UTP14A: variants seen among roughly 807,000 people sequenced by gnomAD.
UTP14A encodes the protein U3 small nucleolar RNA-associated protein 14 homolog A.
Under a neutral mutation model 57.2 loss-of-function variants are expected in UTP14A, and 5 were observed. The ratio of observed to expected loss-of-function variants is 0.09; its 90% CI spans 0.05 to 0.18. The LOEUF (loss-of-function observed/expected upper bound fraction) is 0.18, where lower values mean the gene tolerates loss of function less well. Among genes scored for constraint, UTP14A ranks in the 10% least tolerant of loss-of-function variants. The pLI is 1.00. For missense variants in UTP14A, 430 were observed against 562.1 expected (o/e 0.76, Z 2.38); for synonymous variants, 169 against 210.9 (o/e 0.80, Z 1.72).
rs983386040 is a variant in UTP14A, at chrX:129,919,175, G to A, written c.538G>A (p.Ala180Thr). 18 of 1,209,710 alleles carry A rather than the reference G, an allele frequency of 1.5e-5. No homozygotes were observed. Among genetic ancestry groups the A allele is most frequent in the Non-Finnish European group, 1.9e-5 (17 of 895,219 alleles). Reference protein sequence around the residue: ...PIEHVLSGWKARTPLEQEIFN... With the variant: ...PIEHVLSGWKTRTPLEQEIFN... Reference sequence around the variant, plus strand: ...CAGAATGTTTTGTTGCTTCTTTAAGGCAAGAACTCCCCTGGAGCAGGAAAT... The same window carrying A: ...CAGAATGTTTTGTTGCTTCTTTAAGACAAGAACTCCCCTGGAGCAGGAAAT... Residue 180 changes from alanine to threonine, a missense_variant and splice_region_variant, in exon 7 of 15, where the codon GCA (alanine) becomes ACA (threonine). Ala to Thr is a moderately conservative substitution (Grantham distance 58, BLOSUM62 0). This residue lies in a region of UTP14A where 145 missense variants were observed against 153.5 expected (regional missense o/e 0.94). Transcript: ENST00000394422.
At chrX:129,920,399 T>C in intron 8 of UTP14A, 58 bp from the exon 9 acceptor site, 1 of 1,209,066 alleles carries the variant, frequency 8.3e-7, no homozygotes, top group Admixed American at 2.2e-5. Flanking sequence ...TGGGCACTTG[T>C]GCCTATGACA....
At chrX:129,923,198 A>C (rs1446428358) in intron 11 of UTP14A, 1 of 112,561 alleles carries the variant, frequency 8.9e-6, no homozygotes, top group Non-Finnish European at 1.9e-5. Flanking sequence ...CTTCATGCCA[A>C]AGCTAGACAG....
At chrX:129,924,750 G>T in intron 11 of UTP14A, 45 bp from the exon 12 acceptor site, 1 of 1,178,213 alleles carries the variant, frequency 8.5e-7, no homozygotes, top group Non-Finnish European at 1.1e-6. Context: ...ACCAGACAAC[G>T]TACAAACCTC....
At chrX:129,924,676 T>C in intron 11 of UTP14A, 119 bp from the exon 12 acceptor site, 1 of 890,283 alleles carries the variant, frequency 1.1e-6, no homozygotes, top group Non-Finnish European at 1.6e-6. Flanking sequence ...TTTCCCCGTT[T>C]GTCCTTTTTA....
At chrX:129,913,744 G>A (rs748210137) in intron 6 of UTP14A, among the ~76,000 whole-genome samples, 30 of 111,982 alleles carry the variant, frequency 2.7e-4, no homozygotes, top group Non-Finnish European at 4.9e-4. Flanking sequence ...ACTTTGGGAG[G>A]CCGAGGCAGG....
At chrX:129,916,370 G>T (rs1365103217) in intron 6 of UTP14A, among the ~76,000 whole-genome samples, 1 of 110,823 alleles carries the variant, frequency 9.0e-6, no homozygotes, top group Non-Finnish European at 1.9e-5. Flanking sequence ...AGTAAGCTTC[G>T]CATTTCCTTT....
chrX:129,915,130 G>A (rs770609867), intron 6 of UTP14A, among the ~76,000 whole-genome samples: 15 of 111,954 alleles, frequency 1.3e-4, no homozygotes, highest in African/African-American at 2.9e-4. Flanking sequence ...CACCAGAATC[G>A]CTTGAACCCA....
intron 10 of UTP14A, 112 bp from the exon 11 acceptor site, chrX:129,921,082 A>G (rs765240156): frequency 9.8e-6 from 11 of 1,122,632 alleles, no homozygotes; most frequent in African/African-American, 1.8e-5. Context: ...GGTACCAGTA[A>G]GAAATACTCA....
Position 129,921,506 on chromosome X carries a change from G to A in UTP14A, c.1267G>A (p.Glu423Lys), listed in dbSNP as rs375022750. 16 of 1,209,488 alleles carry A rather than the reference G, an allele frequency of 1.3e-5. No individual in the cohort carries two copies. The highest frequency in any genetic ancestry group is 1.8e-5 in the Non-Finnish European group (16 of 895,191). ...GGCAGAAGAAGAAATTTTGTTGAGAGAATTTGAGGAAAGGCGATCCCTTAG... is the reference window on the plus strand; with the variant it reads ...GGCAGAAGAAGAAATTTTGTTGAGAAAATTTGAGGAAAGGCGATCCCTTAG... ...PVAEEEILLR[E>K]FEERRSLRKR... is the part of the protein sequence containing the mutation. Residue 423 changes from glutamate to lysine, a missense_variant, in exon 11 of 15, where the codon GAA becomes AAA. Glu to Lys is a moderately conservative substitution (Grantham distance 56). This residue lies in a region of UTP14A where 120 missense variants were observed against 116.8 expected (regional missense o/e 1.03). Coordinates refer to ENST00000394422, the MANE Select transcript of UTP14A (RefSeq NM_006649.4).
At position 129,920,744 on chromosome X, in the gene UTP14A, G is replaced by C; in HGVS notation, c.946G>C (p.Asp316His). 1 of 1,211,795 alleles carries C rather than the reference G, an allele frequency of 8.3e-7. No homozygotes were observed. The highest frequency in any genetic ancestry group is 1.1e-6 in the Non-Finnish European group (1 of 895,565). ...GTCAAAGGCAATTATGGCCAAATATGACCTGGAGGTAAGAGACCCTTGGGG... is the reference window on the plus strand; with the variant it reads ...GTCAAAGGCAATTATGGCCAAATATCACCTGGAGGTAAGAGACCCTTGGGG... Reference protein sequence around the residue: ...AKSKAIMAKYDLEARQAMQEQ... With the variant: ...AKSKAIMAKYHLEARQAMQEQ... Residue 316 changes from aspartate (D) to histidine (H), a missense_variant, in exon 10 of 15, where the codon GAC (aspartate) becomes CAC (histidine). Asp to His is a moderately conservative substitution (Grantham distance 81, BLOSUM62 -1). Transcript: ENST00000394422.
At chrX:129,906,336 G>A in intron 1 of UTP14A, 100 bp downstream of exon 1, 1 of 848,803 alleles carries the variant, frequency 1.2e-6, no homozygotes, top group Non-Finnish European at 1.7e-6. Context: ...GATGGCAGTG[G>A]TTCCCCTGAA....
chrX:129,910,969 C>G, intron 4 of UTP14A, 39 bp from the exon 5 acceptor site: 1 of 1,200,703 alleles, frequency 8.3e-7, no homozygotes, highest in South Asian at 1.8e-5. Context: ...GATCTTGTCT[C>G]ACTTCTTGGT....
At chrX:129,920,824 C>A in intron 10 of UTP14A, 72 bp downstream of exon 10, 1 of 1,203,566 alleles carries the variant, frequency 8.3e-7, no homozygotes, top group Non-Finnish European at 1.1e-6. Context: ...GGGGAAGAGC[C>A]ATGAGGATGG....
At chrX:129,907,943 G>A (rs967090340) in intron 2 of UTP14A, 117 bp from the exon 3 acceptor site, 14 of 648,130 alleles carry the variant, frequency 2.2e-5, no homozygotes, top group African/African-American at 6.8e-5. Context: ...GCAACAGAGC[G>A]AGACGCCGTC....
At chrX:129,921,632 A>G in intron 11 of UTP14A, 45 bp downstream of exon 11, 1 of 1,164,856 alleles carries the variant, frequency 8.6e-7, no homozygotes, top group South Asian at 2.0e-5. Flanking sequence ...AGTGCTGTGG[A>G]CAGACTATGG....
At position 129,920,470 on chromosome X, in the gene UTP14A, G is replaced by A. The variant is rs35183830; in HGVS notation, c.766G>A (p.Val256Met). ...KIKSKKYHKV[V>M]KKGKAKKALK... Reference sequence around the variant, plus strand: ...CTACCCCTACAGGTATCACAAAGTCGTGAAGAAAGGAAAGGCCAAGAAAGC... The same window carrying A: ...CTACCCCTACAGGTATCACAAAGTCATGAAGAAAGGAAAGGCCAAGAAAGC... The change falls in exon 9 of 15, where the codon GTG (valine) becomes ATG (methionine). Residue 256 changes from valine (V) to methionine (M), a missense_variant. Physicochemically the swap from Val to Met is conservative, Grantham distance 21 (BLOSUM62 1). Transcript: ENST00000394422. 30,852 of 1,210,487 alleles carry A rather than the reference G, an allele frequency of 0.025. 315 individuals are homozygous for A. The highest frequency in any genetic ancestry group is 0.03 in the Non-Finnish European group (27,185 of 895,368).
chrX:129,925,511 G>A (rs1165942303), intron 12 of UTP14A, among the ~76,000 whole-genome samples: 2 of 111,632 alleles, frequency 1.8e-5, no homozygotes, highest in Admixed American at 9.5e-5. Context: ...GAACTGTTGC[G>A]AAAGTTTTAT....
At chrX:129,912,530 C>G (rs1199829802) in intron 6 of UTP14A, among the ~76,000 whole-genome samples, 2 of 110,838 alleles carry the variant, frequency 1.8e-5, no homozygotes, top group Admixed American at 2.0e-4. Flanking sequence ...TGTTTTCTTT[C>G]TTTTACCCCA....
intron 6 of UTP14A, among the ~76,000 whole-genome samples, chrX:129,918,826 G>A (rs1256429084): frequency 2.7e-5 from 3 of 109,216 alleles, no homozygotes; most frequent in East Asian, 2.9e-4. Flanking sequence ...GCAGTGAGCC[G>A]AGATCACGCC....
Sources: allele counts gnomAD v4.1 joint callset (sites outside exome capture counted in the v4.1 genomes callset), GRCh38; gene constraint gnomAD v4.1.1; regional missense constraint gnomAD v4.1.1; transcripts MANE v1.5; gene names NCBI Gene and HGNC (gene_info 2026-07-23, HGNC 2026-07-21).